Variants in DNAH17 observed in about 807,000 individuals in gnomAD.
The protein encoded by DNAH17 is dynein axonemal heavy chain 17.
A neutral mutation model predicts 485.6 loss-of-function variants in DNAH17; 376 were observed. The ratio of observed to expected loss-of-function variants is 0.77; its 90% CI spans 0.71 to 0.84. The LOEUF (loss-of-function observed/expected upper bound fraction) is 0.84, where lower values mean the gene tolerates loss of function less well. Among genes scored for constraint, DNAH17 ranks in the 40% least tolerant of loss-of-function variants. The pLI is 0.00. For synonymous variants in DNAH17, 3,031 were observed against 2,405.9 expected (o/e 1.26, Z -7.60); for missense variants, 6,370 against 5,839.3 (o/e 1.09, Z -2.96).
chr17:78,560,300 C>T (rs868201157), intron 13 of DNAH17, among the ~76,000 whole-genome samples: 17 of 152,188 alleles, frequency 1.1e-4, no homozygotes, highest in African/African-American at 2.9e-4. Flanking sequence ...TGCCTTGCCA[C>T]GTGCAGATTG....
chr17:78,455,694 G>A lies in DNAH17; in HGVS notation c.10120C>T (p.Arg3374Trp), dbSNP rs1451563929. The A allele has an allele frequency of 8.2e-6, 13 of 1,586,926 alleles. No homozygotes were observed. The highest frequency in any genetic ancestry group is 3.6e-5 in the Admixed American group (2 of 55,570). The change falls in exon 63 of 81, where the codon CGG becomes TGG. Residue 3374 changes from arginine to tryptophan, a missense_variant. By Grantham distance (101) the Arg-to-Trp change is moderately radical. Transcript: ENST00000389840. ...SYVGYFTKKY[R>W]NELMEKFWIP... ...CAGAATTTCTCCATCAGCTCATTCC[G>A]GTATTTCTTGGTGAAGTAGCCCACG... is the stretch of plus-strand genomic sequence containing the variant.
chr17:78,498,973 G>A (rs771088927), intron 37 of DNAH17, 35 bp downstream of exon 37: 10 of 1,537,014 alleles, frequency 6.5e-6, no homozygotes, highest in South Asian at 2.4e-5. Context: ...CCAGTCACCC[G>A]ACGTGACCCC....
chr17:78,548,408 G>T (rs2091825206), intron 16 of DNAH17, among the ~76,000 whole-genome samples: 1 of 151,946 alleles, frequency 6.6e-6, no homozygotes. Context: ...GTTTCACCGT[G>T]TTAGCCAGGA....
intron 75 of DNAH17, among the ~76,000 whole-genome samples, chr17:78,430,402 T>C (rs978574785): frequency 1.3e-5 from 2 of 152,246 alleles, no homozygotes; most frequent in Non-Finnish European, 2.9e-5. Context: ...ACACCTGTTC[T>C]TTCCCTGAAG....
At position 78,432,711 on chromosome 17, in the gene DNAH17, G is replaced by A. The variant is rs192176878; in HGVS notation, c.12225+1318C>T. Among the ~76,000 whole-genome samples the A allele has an allele frequency of 9.8e-5, 15 of 152,308 alleles. No homozygotes were observed. The East Asian group carries it at 2.1e-3, about 22-fold the overall frequency. Reference sequence around the variant, plus strand: ...GTGCCGTGCATGCCTGGGGCTTAGTGGCCCAGGTCTTGAGCTTTATTACAA... The same window carrying A: ...GTGCCGTGCATGCCTGGGGCTTAGTAGCCCAGGTCTTGAGCTTTATTACAA... On this transcript the variant is annotated intron_variant, in intron 75 of 80. Coordinates refer to ENST00000389840, the MANE Select transcript of DNAH17 (RefSeq NM_173628.4).
chr17:78,552,661 G>C (rs367964954), intron 15 of DNAH17, 36 bp downstream of exon 15: 11 of 1,530,894 alleles, frequency 7.2e-6, no homozygotes, highest in Non-Finnish European at 9.1e-6. Flanking sequence ...GGACTCCCAA[G>C]TTTAATCCAA....
chr17:78,425,633 C>T (rs2086413334), intron 79 of DNAH17, 62 bp from the exon 80 acceptor site: 6 of 1,450,120 alleles, frequency 4.1e-6, no homozygotes, highest in South Asian at 1.3e-5. Context: ...ACGACCGGGC[C>T]TTGGCCGTTC....
chr17:78,553,970 TTTAATATAGA>T (rs1403269599), intron 14 of DNAH17, among the ~76,000 whole-genome samples: 2 of 152,122 alleles, frequency 1.3e-5, no homozygotes, highest in African/African-American at 4.8e-5. Flanking sequence ...AAATCTTTTT[TTTAATATAGA>T]GATGGGATCT....
chr17:78,541,591 T>C (rs1263310287), intron 17 of DNAH17, among the ~76,000 whole-genome samples: 1 of 152,000 alleles, frequency 6.6e-6, no homozygotes, highest in African/African-American at 2.4e-5. Flanking sequence ...TAGCCATACG[T>C]GGTGACAGAG....
At chr17:78,575,934 G>T (rs1302522473) in intron 1 of DNAH17, among the ~76,000 whole-genome samples, 1 of 152,254 alleles carries the variant, frequency 6.6e-6, no homozygotes, top group Non-Finnish European at 1.5e-5. Context: ...AGAGGCCTGA[G>T]GTGGGGGCCT....
chr17:78,444,868 TCA>T, intron 70 of DNAH17, 71 bp from the exon 71 acceptor site: 1 of 1,427,726 alleles, frequency 7.0e-7, no homozygotes, highest in Non-Finnish European at 9.4e-7. Flanking sequence ...CCTGTACAGT[TCA>T]TTCAAGGAGG....
intron 1 of DNAH17, among the ~76,000 whole-genome samples, chr17:78,576,388 T>C (rs550761248): frequency 6.6e-6 from 1 of 152,246 alleles, no homozygotes; most frequent in African/African-American, 2.4e-5. Context: ...TTGGGGAATA[T>C]TTGGCCAGCA....
intron 75 of DNAH17, among the ~76,000 whole-genome samples, chr17:78,431,045 A>ATT (rs141410692): frequency 1.4e-5 from 2 of 147,954 alleles, no homozygotes; most frequent in African/African-American, 5.0e-5. Context: ...TGCCAGACTA[A>ATT]TTTTTTTATT....
Position 78,506,731 on chromosome 17 carries a change from C to T in DNAH17, c.4792G>A (p.Asp1598Asn). 1 of 1,613,990 alleles carries T rather than the reference C, an allele frequency of 6.2e-7. No individual in the cohort carries two copies. Among genetic ancestry groups the T allele is most frequent in the East Asian group, 2.2e-5 (1 of 44,878 alleles). ...GGGGCCCCGCCTACCTCCACGGGGTCATTGCCATTGGAGAGAATGTCCAGG... is the reference window on the plus strand; with the variant it reads ...GGGGCCCCGCCTACCTCCACGGGGTTATTGCCATTGGAGAGAATGTCCAGG... ...DLLDILSNGNDPVEVSRHLSK... is the reference protein window; with the variant it reads ...DLLDILSNGNNPVEVSRHLSK... Residue 1598 changes from aspartate (D) to asparagine (N), a missense_variant, in exon 30 of 81, where the codon GAC becomes AAC. By Grantham distance (23) the Asp-to-Asn change is conservative. Coordinates refer to ENST00000389840, the MANE Select transcript of DNAH17 (RefSeq NM_173628.4).
rs1033553098 is a variant in DNAH17, at chr17:78,423,742, A to T, written c.*164T>A. ...AATCTGCCCCACCTCTTCCACACCAACCTCCACCCTCTGGTTCCGATGTGC... is the reference window on the plus strand; with the variant it reads ...AATCTGCCCCACCTCTTCCACACCATCCTCCACCCTCTGGTTCCGATGTGC... On this transcript the variant is annotated 3_prime_UTR_variant, in exon 81 of 81. Transcript: ENST00000389840. The T allele has an allele frequency of 2.2e-6, 2 of 914,156 alleles. No individual in the cohort carries two copies. The highest frequency in any genetic ancestry group is 3.3e-6 in the Non-Finnish European group (2 of 605,736). 56.6% of individuals were successfully genotyped at this position (914,156 alleles called of 1,614,324 possible).
intron 16 of DNAH17, among the ~76,000 whole-genome samples, chr17:78,549,591 A>C (rs1312306189): frequency 6.6e-6 from 1 of 152,196 alleles, no homozygotes; most frequent in African/African-American, 2.4e-5. Context: ...GAAAGCAAAT[A>C]CTTTGTGGTT....
intron 74 of DNAH17, among the ~76,000 whole-genome samples, 173 bp downstream of exon 74, chr17:78,437,468 C>A (rs961235512): frequency 6.6e-6 from 1 of 152,168 alleles, no homozygotes; most frequent in African/African-American, 2.4e-5. Context: ...TGCATTTTTC[C>A]GTCTTTTAGA....
At chr17:78,444,485 G>T in intron 71 of DNAH17, 119 bp downstream of exon 71, 1 of 951,184 alleles carries the variant, frequency 1.1e-6, no homozygotes, top group Non-Finnish European at 1.5e-6. Context: ...AAAATGGGGA[G>T]AAGAAAAAAG....
chr17:78,463,359 C>T (rs896591768), intron 56 of DNAH17, among the ~76,000 whole-genome samples: 1 of 152,240 alleles, frequency 6.6e-6, no homozygotes, highest in African/African-American at 2.4e-5. Flanking sequence ...CATACACACA[C>T]ACGTATATGT....
Sources: gnomAD v4.1 joint callset for allele counts (sites outside exome capture counted in the v4.1 genomes callset) on GRCh38, gnomAD v4.1.1 for gene constraint, MANE v1.5 for transcripts, NCBI Gene and HGNC (gene_info 2026-07-23, HGNC 2026-07-21) for gene names.